Variants in PPP1R11 observed in about 807,000 individuals in gnomAD.
PPP1R11 encodes protein phosphatase 1 regulatory inhibitor subunit 11.
A neutral mutation model predicts 11.3 loss-of-function variants in PPP1R11; 10 were observed. The ratio of observed to expected loss-of-function variants is 0.88; its 90% CI spans 0.55 to 1.50. PPP1R11 has a LOEUF of 1.50. Ranked by LOEUF, PPP1R11 falls within the 40% of genes most tolerant of loss-of-function variation. The pLI, the probability that PPP1R11 is intolerant of heterozygous loss-of-function variation, is 0.00. For synonymous variants in PPP1R11, 56 were observed against 62.3 expected (o/e 0.90, Z 0.48); for missense variants, 114 against 179.1 (o/e 0.64, Z 2.07).
At chr6:30,061,333 C>T in the PPP1R11 span, 3 of 609,664 alleles carry the variant, frequency 4.9e-6, no homozygotes, top group African/African-American at 1.9e-5. The surrounding 1 kb of genome is among the most constrained non-coding windows in gnomAD (Gnocchi z 5.0). Flanking sequence ...GTTCCAAGTC[C>T]TTTAGTACCC....
chr6:30,061,906 T>C, upstream of PPP1R11: 1 of 1,612,836 alleles, frequency 6.2e-7, no homozygotes, highest in Non-Finnish European at 8.5e-7. This position sits in a 1 kb window ranked among gnomAD's most constrained non-coding sequence, Gnocchi z 5.0. Context: ...AGTTCTTACT[T>C]GCCTGTGCAG....
At chr6:30,068,792 C>T in intron 2 of PPP1R11, 94 bp downstream of exon 2, 1 of 1,135,776 alleles carries the variant, frequency 8.8e-7, no homozygotes, top group South Asian at 1.4e-5. Context: ...CAGAAGCCCC[C>T]AGATGTTCAT....
chr6:30,064,799 C>A (rs370811062), upstream of PPP1R11: 352 of 1,045,674 alleles, frequency 3.4e-4, 26 homozygotes, highest in East Asian at 1.9e-3. Flanking sequence ...CAATGTTTTG[C>A]TCCCAGAAGA....
intron 1 of PPP1R11, 22 bp downstream of exon 1, chr6:30,067,501 T>G (rs1765627488): frequency 6.2e-7 from 1 of 1,606,682 alleles, no homozygotes; most frequent in South Asian, 1.1e-5. Context: ...GGGGGGGCGG[T>G]GCTGTTTAGG....
chr6:30,061,810 G>T (rs1023252741), upstream of PPP1R11: 14 of 1,551,158 alleles, frequency 9.0e-6, no homozygotes, highest in Admixed American at 2.1e-4. The surrounding 1 kb of genome is among the most constrained non-coding windows in gnomAD (Gnocchi z 5.0). Flanking sequence ...GAAAACTGAG[G>T]GAAAGGATGT....
upstream of PPP1R11, among the ~76,000 whole-genome samples, chr6:30,063,729 G>A (rs147463969): frequency 0.013 from 2,008 of 152,192 alleles, 23 homozygotes; most frequent in Admixed American, 0.025. The surrounding 1 kb of genome is among the most constrained non-coding windows in gnomAD (Gnocchi z 4.1). Flanking sequence ...TTGGGCGAGT[G>A]CTGTATTCTC....
upstream of PPP1R11, chr6:30,064,608 T>C: frequency 6.8e-7 from 1 of 1,464,772 alleles, no homozygotes; most frequent in South Asian, 1.2e-5. Flanking sequence ...TGATTGCATA[T>C]CTTATCTTAT....
At chr6:30,068,747 GCATATCTTGTATCTACT>G (rs761288759) in intron 2 of PPP1R11, 49 bp downstream of exon 2, 1 of 1,507,768 alleles carries the variant, frequency 6.6e-7, no homozygotes, top group Non-Finnish European at 9.2e-7. Context: ...GCTCCCTTCA[GCATATCTTGTATCTACT>G]CATATCCACT....
Position 30,069,353 on chromosome 6 carries a change from A to G in PPP1R11, c.*47A>G. ...CCTGTGTCTGTCTGGCCCTAAATGT[A>G]TCCATGTGGCTACTTCTCCAGCCCC... On this transcript the variant is annotated 3_prime_UTR_variant, in exon 3 of 3. Coordinates refer to ENST00000376772, the MANE Select transcript of PPP1R11 (RefSeq NM_021959.3). The surrounding 1 kb of genome is among the most constrained non-coding windows in gnomAD (Gnocchi z 6.6). The G allele has an allele frequency of 7.1e-7, 1 of 1,412,678 alleles. No homozygotes were observed. Among genetic ancestry groups the G allele is most frequent in the Non-Finnish European group, 9.6e-7 (1 of 1,039,336 alleles). 87.5% of individuals were successfully genotyped at this position (1,412,678 alleles called of 1,614,324 possible). A position where few individuals can be genotyped will look rare whatever the true frequency, so the allele number is the denominator to read the frequency against.
At chr6:30,062,243 G>T (rs1043781069), upstream of PPP1R11, 1 of 1,612,996 alleles carries the variant, frequency 6.2e-7, no homozygotes, top group Admixed American at 1.7e-5. Flanking sequence ...CGCTGCCCTC[G>T]ATGTGGTCAT....
chr6:30,064,617 A>G, upstream of PPP1R11: 1 of 1,525,374 alleles, frequency 6.6e-7, no homozygotes, highest in Non-Finnish European at 9.0e-7. Context: ...ATCTTATCTT[A>G]TACTACTAGA....
chr6:30,061,721 T>TG (rs1765090678), upstream of PPP1R11: 1 of 1,608,610 alleles, frequency 6.2e-7, no homozygotes, highest in Non-Finnish European at 8.5e-7. The surrounding 1 kb of genome is among the most constrained non-coding windows in gnomAD (Gnocchi z 5.0). Context: ...GTCGGAAGCT[T>TG]GGGGAACTCA....
rs757686002 is a variant in PPP1R11, at chr6:30,067,452, G to A, written c.42G>A (p.Glu14=). ...CTGGGCTGAGCGAGACCGTCACTGA[G>A]ACAACGGTTACCGTGACAACCGAGC... The part of the protein sequence containing the change: ...AGAGLSETVT[E]TTVTVTTEPE... Residue 14 remains glutamate (E), a synonymous_variant, in exon 1 of 3, where the codon GAG becomes GAA. Coordinates refer to ENST00000376772, the MANE Select transcript of PPP1R11 (RefSeq NM_021959.3). 6.2e-7 allele frequency: 1 copy of A among 1,614,188 alleles called. No homozygotes were observed. Among genetic ancestry groups the A allele is most frequent in the East Asian group, 2.2e-5 (1 of 44,876 alleles).
intron 1 of PPP1R11, 85 bp downstream of exon 1, chr6:30,067,564 G>C: frequency 6.7e-7 from 1 of 1,497,670 alleles, no homozygotes; most frequent in African/African-American, 1.4e-5. Flanking sequence ...GTTGTTGGAG[G>C]AGCTAGGCCT....
upstream of PPP1R11, among the ~76,000 whole-genome samples, chr6:30,066,445 C>A (rs1030227848): frequency 6.6e-6 from 1 of 152,200 alleles, no homozygotes; most frequent in Non-Finnish European, 1.5e-5. Flanking sequence ...AATTTACGAC[C>A]ATTTCTCTGC....
chr6:30,069,266 C>T lies in PPP1R11; in HGVS notation c.341C>T (p.Pro114Leu). The change falls in exon 3 of 3, where the codon CCT becomes CTT. Residue 114 changes from proline (P) to leucine (L), a missense_variant. Transcript: ENST00000376772. The surrounding 1 kb of genome is among the most constrained non-coding windows in gnomAD (Gnocchi z 6.6). ...ACCCCCACCACCCCTCCCCAGCCTC[C>T]TGACCCTTCCCAGCCCCCTCCAGGG... ...GPTPTTPPQP[P>L]DPSQPPPGPM... The T allele has an allele frequency of 1.2e-6, 2 of 1,611,486 alleles. No homozygotes were observed. The highest frequency in any genetic ancestry group is 1.7e-6 in the Non-Finnish European group (2 of 1,178,976).
chr6:30,069,602 A>G lies in PPP1R11; in HGVS notation c.*296A>G, dbSNP rs1013124695. On this transcript the variant is annotated 3_prime_UTR_variant, in exon 3 of 3. Transcript: ENST00000376772. The surrounding 1 kb of genome is among the most constrained non-coding windows in gnomAD (Gnocchi z 6.6). ...AAACTGCCTGTCCTGGGATCTAGTT[A>G]TCTTGGCCCTGCACTCTCAACATGA... The G allele has an allele frequency of 3.4e-5, 13 of 387,002 alleles. No homozygotes were observed. Among genetic ancestry groups the G allele is most frequent in the African/African-American group, 1.4e-4 (7 of 48,510 alleles). The allele number at this position is 387,002 out of a possible 1,614,324, so 24.0% of individuals were successfully genotyped here. A position where few individuals can be genotyped will look rare whatever the true frequency, so the allele number is the denominator to read the frequency against.
chr6:30,066,730 T>C (rs1053495574), upstream of PPP1R11: 2 of 152,344 alleles, frequency 1.3e-5, no homozygotes, highest in African/African-American at 4.8e-5. Flanking sequence ...GGGCGAGGGG[T>C]AGAACCACAT....
Position 30,067,425 on chromosome 6 carries a change from G to A in PPP1R11, c.15G>A (p.Gly5=), listed in dbSNP as rs542631167. 1.0e-3 allele frequency: 1,623 copies of A among 1,614,170 alleles called. 33 individuals are homozygous for A. The South Asian group carries it at 0.016, about 16-fold the overall frequency. Residue 5 remains glycine, a synonymous_variant, in exon 1 of 3, where the codon GGG becomes GGA. Transcript: ENST00000376772. ...GAGCCTTAGCCATGGCCGAGGCAGG[G>A]GCTGGGCTGAGCGAGACCGTCACTG... MAEA[G]AGLSETVTET... is the part of the protein sequence containing the mutation.
Sources: gnomAD v4.1 joint callset for allele counts (sites outside exome capture counted in the v4.1 genomes callset) on GRCh38, gnomAD v4.1.1 for gene constraint, Gnocchi (gnomAD v3.1) non-coding constraint, MANE v1.5 for transcripts, NCBI Gene and HGNC (gene_info 2026-07-23, HGNC 2026-07-21) for gene names.